PPFIBP1: variants seen among roughly 807,000 people sequenced by gnomAD.
PPFIBP1 encodes liprin-beta-1.
In PPFIBP1, 112 loss-of-function variants were observed where a neutral mutation model predicts 137.8. The ratio of observed to expected loss-of-function variants is 0.81; its 90% confidence interval spans 0.70 to 0.95. The LOEUF (loss-of-function observed/expected upper bound fraction) is 0.95. PPFIBP1 is among the 40% of genes least tolerant of loss of function. The pLI is 0.00. For missense variants in PPFIBP1, 1,083 were observed against 1,196.6 expected, an observed-to-expected ratio of 0.91 and a Z score of 1.40; for synonymous variants, 378 against 417.3, an observed-to-expected ratio of 0.91 and a Z score of 1.15.
chr12:27,581,210 G>A (rs1299656031), intron 2 of PPFIBP1, among the ~76,000 whole-genome samples: 2 of 152,184 alleles, frequency 1.3e-5, no homozygotes, highest in Non-Finnish European at 1.5e-5. Context: ...TTCAGTCTTA[G>A]GTGTTCTGGC....
rs575904899 is a variant in PPFIBP1 at position 27,673,349 on chromosome 12, C to A, written c.1320-418C>A. 2.0e-5 allele frequency among the ~76,000 whole-genome samples: 3 copies of A among 152,210 alleles called. No individual in the cohort carries two copies. In the South Asian group the frequency reaches 6.2e-4, roughly 32 times the overall value. ...TTTGCCAGACTCAGAAATGTGATTC[C>A]CTTGTGAATTGAAAAGTGAAACTTC... On this transcript the variant is annotated intron_variant, in intron 15 of 29. Transcript: ENST00000228425.
intron 1 of PPFIBP1, among the ~76,000 whole-genome samples, chr12:27,526,698 G>T (rs1943787897): frequency 6.6e-6 from 1 of 152,104 alleles, no homozygotes; most frequent in South Asian, 2.1e-4. Flanking sequence ...TGCCGGGTGT[G>T]GTGGTGGGCA....
intron 24 of PPFIBP1, 48 bp from the exon 25 acceptor site, chr12:27,687,337 C>G (rs1309671986): frequency 6.3e-7 from 1 of 1,576,222 alleles, no homozygotes; most frequent in Middle Eastern, 1.7e-4. Flanking sequence ...GAAAGTCCTC[C>G]TGCTACAGGC....
chr12:27,551,183 GTTTGA>G (rs1946741179), intron 1 of PPFIBP1, among the ~76,000 whole-genome samples: 1 of 152,010 alleles, frequency 6.6e-6, no homozygotes, highest in African/African-American at 2.4e-5. Flanking sequence ...GACAGACCTG[GTTTGA>G]GTTCCAGAAG....
chr12:27,578,344 C>T (rs1323603472), intron 2 of PPFIBP1, 105 bp downstream of exon 2: 2 of 152,154 alleles, frequency 1.3e-5, no homozygotes, highest in Non-Finnish European at 2.9e-5. Context: ...TTACTTGACT[C>T]TAGTGAGTCT....
chr12:27,609,900 T>A (rs990824444), intron 2 of PPFIBP1, among the ~76,000 whole-genome samples: 1 of 152,198 alleles, frequency 6.6e-6, no homozygotes, highest in African/African-American at 2.4e-5. Flanking sequence ...ATGACATTCT[T>A]ATTGAGATTA....
intron 17 of PPFIBP1, among the ~76,000 whole-genome samples, chr12:27,676,108 C>G (rs1011361791): frequency 2.0e-5 from 3 of 152,176 alleles, no homozygotes; most frequent in Non-Finnish European, 4.4e-5. Context: ...TGTAATGTCT[C>G]CATGTCTTTT....
rs149249844 is a variant in PPFIBP1 at position 27,671,065 on chromosome 12, A to T, written c.1147-366A>T. Among the ~76,000 whole-genome samples, 7 of 152,070 alleles carry T rather than the reference A, an allele frequency of 4.6e-5. No individual in the cohort carries two copies. In the East Asian group the frequency reaches 1.4e-3, roughly 29 times the overall value. ...ACGTCTATAACCTTAGCTACTCAGG[A>T]GGCTACGGCAGGAGACTGCTTGAGC... On this transcript the variant is annotated intron_variant, in intron 13 of 29. Transcript: ENST00000228425.
intron 1 of PPFIBP1, among the ~76,000 whole-genome samples, chr12:27,562,202 G>A (rs1029637031): frequency 6.6e-6 from 1 of 151,750 alleles, no homozygotes; most frequent in African/African-American, 2.4e-5. Context: ...ACTGTATTTT[G>A]TTTATTGCTA....
chr12:27,682,719 C>T lies in PPFIBP1; in HGVS notation c.2247+16C>T. ...CATGACTGTTGTAAGTGACTCACTC[C>T]TGGGGTTTGGGGGAGGAAAACTTTT... On this transcript the variant is annotated intron_variant, in intron 24 of 29. Transcript: ENST00000228425. 9 of 1,613,670 alleles carry T rather than the reference C, an allele frequency of 5.6e-6. No individual in the cohort carries two copies. The highest frequency in any genetic ancestry group is 7.6e-6 in the Non-Finnish European group (9 of 1,179,906).
At chr12:27,556,578 T>C (rs1055208433) in intron 1 of PPFIBP1, among the ~76,000 whole-genome samples, 2 of 152,230 alleles carry the variant, frequency 1.3e-5, no homozygotes, top group African/African-American at 4.8e-5. Context: ...TTGGTCCGCA[T>C]TGGGAAAGTT....
At chr12:27,614,657 C>T (rs941857708) in intron 2 of PPFIBP1, among the ~76,000 whole-genome samples, 4 of 152,124 alleles carry the variant, frequency 2.6e-5, no homozygotes, top group African/African-American at 9.7e-5. Flanking sequence ...TCTACTCATT[C>T]TCTGTCAGGT....
intron 1 of PPFIBP1, among the ~76,000 whole-genome samples, chr12:27,535,679 G>A (rs1022074264): frequency 6.6e-6 from 1 of 152,184 alleles, no homozygotes; most frequent in Non-Finnish European, 1.5e-5. Flanking sequence ...TATTGCAGGC[G>A]TGAGCCACTG....
At chr12:27,612,666 C>T (rs993388569) in intron 2 of PPFIBP1, among the ~76,000 whole-genome samples, 2 of 152,042 alleles carry the variant, frequency 1.3e-5, no homozygotes, top group Non-Finnish European at 2.9e-5. Context: ...TACTTCAAAA[C>T]TCACCCCACT....
chr12:27,642,953 T>A (rs183144753), intron 4 of PPFIBP1, among the ~76,000 whole-genome samples: 76 of 152,096 alleles, frequency 5.0e-4, no homozygotes, highest in African/African-American at 1.6e-3. Flanking sequence ...ATATATATTA[T>A]ACTATTACGC....
intron 2 of PPFIBP1, among the ~76,000 whole-genome samples, chr12:27,629,282 A>C (rs1348053559): frequency 6.6e-6 from 1 of 152,164 alleles, no homozygotes; most frequent in African/African-American, 2.4e-5. Flanking sequence ...TGACATTGGG[A>C]TTCTTTATGC....
chr12:27,585,214 A>G (rs1447652265), intron 2 of PPFIBP1, among the ~76,000 whole-genome samples: 3 of 152,248 alleles, frequency 2.0e-5, no homozygotes, highest in Non-Finnish European at 4.4e-5. Flanking sequence ...CTTTAAAAAA[A>G]TCTTTTTAAA....
chr12:27,687,560 G>A, intron 25 of PPFIBP1, 53 bp downstream of exon 25: 1 of 1,552,160 alleles, frequency 6.4e-7, no homozygotes. Context: ...GCATGGGACT[G>A]TCCATGTGTC....
At chr12:27,691,177 GA>G (rs2061518154) in intron 27 of PPFIBP1, among the ~76,000 whole-genome samples, 1 of 150,002 alleles carries the variant, frequency 6.7e-6, no homozygotes, top group Admixed American at 6.7e-5. Flanking sequence ...CTCACCCAAA[GA>G]AAAAATATAG....
Sources: allele counts gnomAD v4.1 joint callset (sites outside exome capture counted in the v4.1 genomes callset), GRCh38; gene constraint gnomAD v4.1.1; transcripts MANE v1.5; gene names NCBI Gene and HGNC (gene_info 2026-07-23, HGNC 2026-07-21).